Variants in USP36 observed in about 807,000 individuals in gnomAD.
The protein encoded by USP36 is ubiquitin carboxyl-terminal hydrolase 36.
In USP36, 59 loss-of-function variants were observed where a neutral mutation model predicts 111.5. The observed-to-expected ratio is 0.53, with a 90% CI of 0.43 to 0.66. The LOEUF (loss-of-function observed/expected upper bound fraction) is 0.66, where lower values mean the gene tolerates loss of function less well. Ranked by LOEUF, USP36 falls within the 30% of genes least tolerant of loss-of-function variation. USP36 has a pLI of 0.00. For missense variants in USP36, 1,488 were observed against 1,468.0 expected (o/e 1.01, Z -0.22); for synonymous variants, 628 against 581.0 (o/e 1.08, Z -1.16).
chr17:78,806,273 C>A lies in USP36; in HGVS notation c.2099G>T (p.Trp700Leu). Residue 700 changes from tryptophan (W) to leucine (L), a missense_variant, in exon 15 of 21, where the codon TGG (tryptophan) becomes TTG (leucine). Physicochemically the swap from Trp to Leu is moderately conservative, Grantham distance 61. Coordinates refer to ENST00000449938, the MANE Select transcript of USP36 (RefSeq NM_001385174.1). ...ALSAKKASTLWRATGNDLRPP... is the reference protein window; with the variant it reads ...ALSAKKASTLLRATGNDLRPP... Reference sequence around the variant, plus strand: ...ACGGAGGTCATTGCCGGTCGCCCTCCACAGGGTGCTGGCCTGCAGTTATCG... The same window carrying A: ...ACGGAGGTCATTGCCGGTCGCCCTCAACAGGGTGCTGGCCTGCAGTTATCG... The A allele has an allele frequency of 1.2e-6, 2 of 1,613,802 alleles. No homozygotes were observed. Among genetic ancestry groups the A allele is most frequent in the South Asian group, 2.2e-5 (2 of 91,066 alleles).
intron 3 of USP36, 65 bp from the exon 4 acceptor site, chr17:78,835,566 A>G: frequency 6.8e-7 from 1 of 1,478,860 alleles, no homozygotes; most frequent in Non-Finnish European, 9.2e-7. Context: ...GTCGTCCACA[A>G]AAAGAAACTC....
At position 78,836,130 on chromosome 17, in the gene USP36, G is replaced by A; in HGVS notation, c.234C>T (p.Asp78=). 9.3e-6 allele frequency: 15 copies of A among 1,613,592 alleles called. No individual in the cohort carries two copies. The highest frequency in any genetic ancestry group is 1.3e-5 in the Non-Finnish European group (15 of 1,180,040). Residue 78 remains aspartate (D), a synonymous_variant, in exon 3 of 21, where the codon GAC becomes GAT. Transcript: ENST00000449938. ...CTGTACCCTGTCTCCTGGCCGGTGGGTCATCTCCACTCTTGTGGCGACTAG... is the reference window on the plus strand; with the variant it reads ...CTGTACCCTGTCTCCTGGCCGGTGGATCATCTCCACTCTTGTGGCGACTAG... ...EGASRHKSGD[D]PPARRQGSEH...
At chr17:78,828,197 G>A (rs148628582) in intron 5 of USP36, among the ~76,000 whole-genome samples, 1 of 152,234 alleles carries the variant, frequency 6.6e-6, no homozygotes, top group Non-Finnish European at 1.5e-5. Flanking sequence ...CTAGGTATAA[G>A]AGCAAAACCC....
chr17:78,798,288 A>T lies in USP36; in HGVS notation c.*20+112T>A, dbSNP rs765920577. ...ACACCACCCAACACACATGTGCCAGATACACAGCCCACATACATCATACAC... is the reference window on the plus strand; with the variant it reads ...ACACCACCCAACACACATGTGCCAGTTACACAGCCCACATACATCATACAC... On this transcript the variant is annotated intron_variant, in intron 20 of 20. Transcript: ENST00000449938. The surrounding 1 kb of genome is among the most constrained non-coding windows in gnomAD (Gnocchi z 5.1). 340 of 1,397,230 alleles carry T rather than the reference A, an allele frequency of 2.4e-4. No homozygotes were observed. The highest frequency in any genetic ancestry group is 3.1e-4 in the Non-Finnish European group (318 of 1,035,022). The allele number at this position is 1,397,230 out of a possible 1,614,324, so 86.6% of individuals were successfully genotyped here. A position where few individuals can be genotyped will look rare whatever the true frequency, so the allele number is the denominator to read the frequency against.
rs748962197 is a variant in USP36 at position 78,798,875 on chromosome 17, C to T, written c.3240+33G>A. The T allele has an allele frequency of 9.2e-5, 149 of 1,612,120 alleles. No homozygotes were observed. The highest frequency in any genetic ancestry group is 1.2e-4 in the Non-Finnish European group (144 of 1,178,606). On this transcript the variant is annotated intron_variant, in intron 19 of 20. Transcript: ENST00000449938. The surrounding 1 kb of genome is among the most constrained non-coding windows in gnomAD (Gnocchi z 5.1). The stretch of plus-strand genomic sequence containing the variant: ...TGAGCTGAGCCACGCCGCCCTGCTC[C>T]CTCAAGCCTGTGGTCAGCATCACAC...
intron 9 of USP36, 142 bp downstream of exon 9, chr17:78,819,788 T>A (rs1204312046): frequency 1.3e-6 from 1 of 791,384 alleles, no homozygotes; most frequent in Admixed American, 2.4e-5. Context: ...GAAGTTTGAG[T>A]TTTTAGGACA....
At position 78,798,733 on chromosome 17, in the gene USP36, A is replaced by G. The variant is rs1259508585; in HGVS notation, c.3240+175T>C. Among the ~76,000 whole-genome samples the G allele has an allele frequency of 6.6e-6, 1 of 152,168 alleles. No individual in the cohort carries two copies. The highest frequency in any genetic ancestry group is 1.5e-5 in the Non-Finnish European group (1 of 68,022). ...GTCCCCCTATTGACAAAGGGGCGGAAGCTGCGAGGATGCATGCCCTGTCCA... is the reference window on the plus strand; with the variant it reads ...GTCCCCCTATTGACAAAGGGGCGGAGGCTGCGAGGATGCATGCCCTGTCCA... On this transcript the variant is annotated intron_variant, in intron 19 of 20. Transcript: ENST00000449938. This position sits in a 1 kb window ranked among gnomAD's most constrained non-coding sequence, Gnocchi z 5.1.
chr17:78,827,280 G>A lies in USP36; in HGVS notation c.654C>T (p.Asp218=), dbSNP rs147989943. 1.2e-3 allele frequency: 1,961 copies of A among 1,613,994 alleles called. 3 individuals carry two copies. Among genetic ancestry groups the A allele is most frequent in the Middle Eastern group, 2.8e-3 (17 of 5,998 alleles). The change falls in exon 6 of 21, where the codon GAC becomes GAT. Residue 218 remains aspartate, a synonymous_variant. Transcript: ENST00000449938. ...DAHEFLRYTI[D]AMQKACLNGC... is the part of the protein sequence containing the mutation. ...CATTCAGGCAGGCTTTCTGCATGGC[G>A]TCGATGGTGTACCGCAGGAACTCAT...
At chr17:78,808,782 G>A (rs1478126530) in intron 13 of USP36, among the ~76,000 whole-genome samples, 1 of 152,016 alleles carries the variant, frequency 6.6e-6, no homozygotes, top group Non-Finnish European at 1.5e-5. Context: ...TTGACCAAGA[G>A]GCTGTACCCG....
downstream of USP36, chr17:78,792,087 A>T (rs1213081895): frequency 6.6e-6 from 1 of 152,484 alleles, no homozygotes; most frequent in South Asian, 2.1e-4. Flanking sequence ...AATCCTGGGA[A>T]GAAGTCGGTG....
In USP36 at chr17:78,821,977, G is replaced by C; in HGVS notation, c.717C>G (p.Thr239=). The C allele has an allele frequency of 5.6e-6, 9 of 1,614,148 alleles. No homozygotes were observed. The highest frequency in any genetic ancestry group is 6.8e-6 in the Non-Finnish European group (8 of 1,180,002). The stretch of plus-strand genomic sequence containing the variant: ...ACCCTCCAAAAATTTGATGGACCAA[G>C]GTAGTAGCCTGCGTTTGACGATCCA... ...AKLDRQTQAT[T]LVHQIFGGYL... The change falls in exon 7 of 21, where the codon ACC becomes ACG. Residue 239 remains threonine (T), a synonymous_variant. Transcript: ENST00000449938.
In USP36 at chr17:78,798,792, G is replaced by T; in HGVS notation, c.3240+116C>A. ...CGCCCGGACAGGCCTGGGCAGCCTG[G>T]CTCTTCTCATGCTCGGCCGCTTCAT... On this transcript the variant is annotated intron_variant, in intron 19 of 20. Coordinates refer to ENST00000449938, the MANE Select transcript of USP36 (RefSeq NM_001385174.1). The surrounding 1 kb of genome is among the most constrained non-coding windows in gnomAD (Gnocchi z 5.1). 7.4e-7 allele frequency: 1 copy of T among 1,349,554 alleles called. No individual in the cohort carries two copies. The highest frequency in any genetic ancestry group is 1.0e-6 in the Non-Finnish European group (1 of 963,152). The allele number at this position is 1,349,554 out of a possible 1,614,324, so 83.6% of individuals were successfully genotyped here. A position where few individuals can be genotyped will look rare whatever the true frequency, so the allele number is the denominator to read the frequency against.
At chr17:78,816,306 C>A (rs149516702) in intron 10 of USP36, among the ~76,000 whole-genome samples, 2 of 151,946 alleles carry the variant, frequency 1.3e-5, no homozygotes, top group Non-Finnish European at 2.9e-5. Flanking sequence ...ACTATAGGCA[C>A]GCGCCACCAT....
At chr17:78,806,430 G>A in intron 14 of USP36, 144 bp from the exon 15 acceptor site, 1 of 1,017,458 alleles carries the variant, frequency 9.8e-7, no homozygotes. Context: ...GACAAAAAGG[G>A]GAGGTGAGGG....
intron 5 of USP36, among the ~76,000 whole-genome samples, 168 bp from the exon 6 acceptor site, chr17:78,827,515 A>G (rs1473021189): frequency 1.3e-5 from 2 of 152,212 alleles, no homozygotes; most frequent in East Asian, 3.8e-4. Flanking sequence ...CTATATCCCA[A>G]TCACAATTCA....
chr17:78,820,820 ACT>A (rs2145391921), intron 8 of USP36, among the ~76,000 whole-genome samples, 169 bp downstream of exon 8: 1 of 151,780 alleles, frequency 6.6e-6, no homozygotes, highest in African/African-American at 2.4e-5. Context: ...CTTAGGAAAA[ACT>A]CTAGAAAAAA....
At position 78,803,736 on chromosome 17, in the gene USP36, G is replaced by T. The variant is rs1016299421; in HGVS notation, c.2459C>A (p.Pro820Gln). The change falls in exon 16 of 21, where the codon CCG (proline) becomes CAG (glutamine). Residue 820 changes from proline (P) to glutamine (Q), a missense_variant. Around this residue, in one of 3 missense-constraint regions of USP36, gnomAD observed 1,073 missense variants for 994.1 expected, o/e 1.08. Coordinates refer to ENST00000449938, the MANE Select transcript of USP36 (RefSeq NM_001385174.1). This position sits in a 1 kb window ranked among gnomAD's most constrained non-coding sequence, Gnocchi z 4.6. Reference protein sequence around the residue: ...EKRKKTFVGEPQRLGSETRLP... With the variant: ...EKRKKTFVGEQQRLGSETRLP... ...GCGCGTCTCTGAGCCCAGCCTCTGC[G>T]GCTCTCCCACAAAGGTCTTTTTCCT... is the stretch of plus-strand genomic sequence containing the variant. 1.2e-6 allele frequency: 2 copies of T among 1,612,104 alleles called. No homozygotes were observed. Among genetic ancestry groups the T allele is most frequent in the African/African-American group, 1.3e-5 (1 of 74,880 alleles).
intron 10 of USP36, among the ~76,000 whole-genome samples, chr17:78,816,006 T>C (rs2145296636): frequency 6.6e-6 from 1 of 152,256 alleles, no homozygotes; most frequent in Non-Finnish European, 1.5e-5. Flanking sequence ...TATACATACA[T>C]GCACACACAT....
chr17:78,841,057 C>G (rs896535258), upstream of USP36: 7 of 152,250 alleles, frequency 4.6e-5, no homozygotes, highest in Non-Finnish European at 8.8e-5. Context: ...GCCCCTGTGC[C>G]GCGGCAGGGT....
Sources: allele counts gnomAD v4.1 joint callset (sites outside exome capture counted in the v4.1 genomes callset), GRCh38; gene constraint gnomAD v4.1.1; regional missense constraint gnomAD v4.1.1; non-coding constraint Gnocchi (gnomAD v3.1); transcripts MANE v1.5; gene names NCBI Gene and HGNC (gene_info 2026-07-23, HGNC 2026-07-21).